PCDH15: variants seen among roughly 807,000 people sequenced by gnomAD.
The protein encoded by PCDH15 is protocadherin-15.
In PCDH15, 129 loss-of-function variants were observed where a neutral mutation model predicts 178.5. The observed-to-expected ratio is 0.72, with a 90% CI of 0.63 to 0.84. The LOEUF (loss-of-function observed/expected upper bound fraction) is 0.84, where lower values mean the gene tolerates loss of function less well. PCDH15 is among the 40% of genes least tolerant of loss of function. The pLI is 0.00. For synonymous variants in PCDH15, 800 were observed against 732.0 expected, an observed-to-expected ratio of 1.09 and a Z score of -1.50; for missense variants, 2,230 against 2,099.9, an observed-to-expected ratio of 1.06 and a Z score of -1.21.
chr10:54,728,438 T>G (rs769492542), intron 1 of PCDH15, among the ~76,000 whole-genome samples: 29 of 151,252 alleles, frequency 1.9e-4, no homozygotes, highest in Non-Finnish European at 3.0e-5. Context: ...TGAATATACC[T>G]CAAAATATAA....
intron 23 of PCDH15, among the ~76,000 whole-genome samples, chr10:53,946,177 C>T (rs2086558019): frequency 6.6e-6 from 1 of 152,088 alleles, no homozygotes; most frequent in South Asian, 2.1e-4. Context: ...CTTCATATAA[C>T]TTGTGTGTGA....
chr10:54,896,596 T>A (rs367666961), intron 3 of PCDH15, among the ~76,000 whole-genome samples: 4 of 151,900 alleles, frequency 2.6e-5, no homozygotes, highest in Non-Finnish European at 2.9e-5. Context: ...GATGTTTTTT[T>A]AAAAAATGTT....
chr10:54,758,035 T>G (rs1188803517), intron 1 of PCDH15, among the ~76,000 whole-genome samples: 1 of 152,172 alleles, frequency 6.6e-6, no homozygotes, highest in East Asian at 1.9e-4. Flanking sequence ...ACTGGCTAAG[T>G]AGAATATTAA....
intron 2 of PCDH15, among the ~76,000 whole-genome samples, chr10:55,125,880 A>G (rs1227288188): frequency 6.6e-6 from 1 of 152,082 alleles, no homozygotes; most frequent in Non-Finnish European, 1.5e-5. Flanking sequence ...TTCTTTCGCC[A>G]TCCATTTCAT....
chr10:55,071,485 A>C (rs11527508), intron 2 of PCDH15, among the ~76,000 whole-genome samples: 10,922 of 152,074 alleles, frequency 0.072, 515 homozygotes, highest in East Asian at 0.25. Flanking sequence ...CAACAAAGAT[A>C]AAAAGAGACA....
At chr10:54,804,950 C>G (rs866697806), upstream of PCDH15, among the ~76,000 whole-genome samples, 7 of 11,664 alleles carry the variant, frequency 6.0e-4, no homozygotes, top group East Asian at 2.6e-3. Context: ...TATATATATA[C>G]AGAGTTTGCT....
intron 3 of PCDH15, among the ~76,000 whole-genome samples, chr10:54,855,977 T>A (rs1421130037): frequency 6.6e-6 from 1 of 152,208 alleles, no homozygotes; most frequent in East Asian, 1.9e-4. Flanking sequence ...GGGTGTTTTT[T>A]CATAGGCAAA....
At chr10:53,994,136 C>G (rs1010945071) in intron 21 of PCDH15, among the ~76,000 whole-genome samples, 1 of 152,162 alleles carries the variant, frequency 6.6e-6, no homozygotes, top group Non-Finnish European at 1.5e-5. Flanking sequence ...ACCAAGACAA[C>G]TTTTCGCACC....
intron 8 of PCDH15, among the ~76,000 whole-genome samples, chr10:54,247,774 A>G (rs1297963442): frequency 6.6e-6 from 1 of 151,574 alleles, no homozygotes; most frequent in African/African-American, 2.4e-5. Context: ...AGTCTCTTAG[A>G]GCTTGAATTA....
chr10:54,532,730 T>C (rs576930394), intron 2 of PCDH15, among the ~76,000 whole-genome samples: 1 of 152,002 alleles, frequency 6.6e-6, no homozygotes, highest in South Asian at 2.1e-4. Context: ...TGAATGACAT[T>C]GTTTCATTCA....
chr10:55,431,822 A>C (rs1838886612), intron 2 of PCDH15, among the ~76,000 whole-genome samples: 1 of 152,140 alleles, frequency 6.6e-6, no homozygotes, highest in African/African-American at 2.4e-5. Flanking sequence ...AATAGCCCAT[A>C]TAGATTAGTA....
chr10:54,062,246 A>AAAAAAAAAAAAAAAAAAAAAAAAT (rs2094038412), intron 18 of PCDH15, among the ~76,000 whole-genome samples: 1 of 135,054 alleles, frequency 7.4e-6, no homozygotes, highest in Non-Finnish European at 1.5e-5. Flanking sequence ...AAAAAAAAAA[A>AAAAAAAAAAAAAAAAAAAAAAAAT]AAAAAACAAA....
intron 1 of PCDH15, among the ~76,000 whole-genome samples, chr10:54,768,718 T>C (rs1355935221): frequency 6.6e-6 from 1 of 152,184 alleles, no homozygotes. Context: ...TTCAAATCCC[T>C]CTATGCTTTA....
chr10:54,821,514 C>T (rs922733437), intron 3 of PCDH15, among the ~76,000 whole-genome samples: 4 of 151,596 alleles, frequency 2.6e-5, no homozygotes, highest in Admixed American at 6.6e-5. Context: ...TGGCACATAC[C>T]AAGAAAATCA....
chr10:53,935,482 C>G (rs1030455614), intron 25 of PCDH15, among the ~76,000 whole-genome samples: 2 of 152,138 alleles, frequency 1.3e-5, no homozygotes, highest in African/African-American at 4.8e-5. Context: ...AAAAGTAAGT[C>G]GTAGAACAAA....
intron 1 of PCDH15, among the ~76,000 whole-genome samples, chr10:55,260,812 G>A (rs1380280560): frequency 3.3e-5 from 5 of 152,094 alleles, no homozygotes. Context: ...CTTTCTTTAA[G>A]TATTATACTT....
At chr10:54,215,120 C>T (rs948896924) in intron 9 of PCDH15, among the ~76,000 whole-genome samples, 1 of 152,064 alleles carries the variant, frequency 6.6e-6, no homozygotes, top group African/African-American at 2.4e-5. Context: ...CTTTATATAA[C>T]TAATCATCAA....
At chr10:55,261,437 T>A (rs951227516) in intron 1 of PCDH15, among the ~76,000 whole-genome samples, 1 of 152,152 alleles carries the variant, frequency 6.6e-6, no homozygotes, top group African/African-American at 2.4e-5. Flanking sequence ...GGGTAATCTG[T>A]CTTGAAAACA....
chr10:53,945,744 T>C (rs1478939541), intron 23 of PCDH15, among the ~76,000 whole-genome samples: 4 of 150,786 alleles, frequency 2.7e-5, no homozygotes, highest in African/African-American at 9.7e-5. Context: ...ATGAACGTAT[T>C]TGAGACAAAA....
Sources: allele counts gnomAD v4.1 joint callset (sites outside exome capture counted in the v4.1 genomes callset), GRCh38; gene constraint gnomAD v4.1.1; transcripts MANE v1.5; gene names NCBI Gene and HGNC (gene_info 2026-07-23, HGNC 2026-07-21).